Variants in DENND1A observed in about 807,000 individuals in gnomAD.
DENND1A encodes DENN domain-containing protein 1A.
A neutral mutation model predicts 113.7 loss-of-function variants in DENND1A; 51 were observed. The observed-to-expected ratio is 0.45, with a 90% CI of 0.36 to 0.57. The LOEUF (loss-of-function observed/expected upper bound fraction) is 0.57. Ranked by LOEUF, DENND1A falls within the 20% of genes least tolerant of loss-of-function variation. The pLI is 0.00. For missense variants in DENND1A, 1,258 were observed against 1,395.9 expected, an observed-to-expected ratio of 0.90 and a Z score of 1.57; for synonymous variants, 565 against 570.8, an observed-to-expected ratio of 0.99 and a Z score of 0.14.
intron 4 of DENND1A, among the ~76,000 whole-genome samples, chr9:123,759,988 T>C (rs1194736664): frequency 6.6e-6 from 1 of 152,232 alleles, no homozygotes; most frequent in Non-Finnish European, 1.5e-5. Context: ...AAAAGAGTTT[T>C]TTCTCTGAAG....
intron 11 of DENND1A, among the ~76,000 whole-genome samples, chr9:123,584,068 C>T (rs1346438802): frequency 6.6e-6 from 1 of 152,244 alleles, no homozygotes; most frequent in African/African-American, 2.4e-5. Flanking sequence ...TTATCCGCTA[C>T]TAAGATCCAT....
chr9:123,547,712 T>C (rs967728865), intron 13 of DENND1A, among the ~76,000 whole-genome samples: 2 of 152,222 alleles, frequency 1.3e-5, no homozygotes, highest in African/African-American at 4.8e-5. Context: ...TCATTTGAGA[T>C]AAAAGCCATA....
chr9:123,582,047 A>G (rs1285207519), intron 12 of DENND1A, among the ~76,000 whole-genome samples: 1 of 152,238 alleles, frequency 6.6e-6, no homozygotes, highest in East Asian at 1.9e-4. Flanking sequence ...TTTTTGCTCA[A>G]TAGAACCCAC....
At chr9:123,488,887 C>T (rs542576186) in intron 13 of DENND1A, among the ~76,000 whole-genome samples, 7 of 152,238 alleles carry the variant, frequency 4.6e-5, no homozygotes, top group African/African-American at 7.2e-5. Flanking sequence ...GAGGGCCTGC[C>T]GAGCCACCCG....
intron 5 of DENND1A, among the ~76,000 whole-genome samples, chr9:123,695,577 T>C (rs1307503915): frequency 6.6e-6 from 1 of 152,206 alleles, no homozygotes; most frequent in South Asian, 2.1e-4. Flanking sequence ...ATTGACTGAC[T>C]GTGAGGTCCT....
At chr9:123,615,115 T>C (rs954838015) in intron 10 of DENND1A, among the ~76,000 whole-genome samples, 2 of 152,180 alleles carry the variant, frequency 1.3e-5, no homozygotes, top group African/African-American at 4.8e-5. Context: ...TTCAGGCTAA[T>C]GTAACTGCCA....
intron 21 of DENND1A, among the ~76,000 whole-genome samples, chr9:123,392,894 A>G (rs2042929170): frequency 6.6e-6 from 1 of 152,118 alleles, no homozygotes; most frequent in African/African-American, 2.4e-5. Flanking sequence ...GTTCCCACTT[A>G]TGAGTGAGAA....
intron 13 of DENND1A, among the ~76,000 whole-genome samples, chr9:123,551,626 C>T (rs1027077015): frequency 6.6e-6 from 1 of 152,168 alleles, no homozygotes; most frequent in Non-Finnish European, 1.5e-5. Flanking sequence ...TGGGAAGCAA[C>T]TCGGAGTTGA....
At chr9:123,440,575 A>T in intron 18 of DENND1A, 84 bp from the exon 19 acceptor site, 1 of 1,451,342 alleles carries the variant, frequency 6.9e-7, no homozygotes, top group South Asian at 1.5e-5. Context: ...GAGGCCTGCC[A>T]GGCGACTCTC....
intron 13 of DENND1A, among the ~76,000 whole-genome samples, chr9:123,471,298 C>T (rs578248532): frequency 5.4e-4 from 82 of 152,068 alleles, no homozygotes; most frequent in Non-Finnish European, 6.3e-4. Flanking sequence ...TCTCATCTGC[C>T]GAATGGGGGA....
intron 13 of DENND1A, among the ~76,000 whole-genome samples, chr9:123,533,001 T>G (rs1273895456): frequency 2.0e-5 from 3 of 152,230 alleles, no homozygotes; most frequent in Admixed American, 1.3e-4. Context: ...ACAACAATCA[T>G]GCACACAAGT....
intron 19 of DENND1A, among the ~76,000 whole-genome samples, chr9:123,418,479 G>T (rs750425892): frequency 6.6e-6 from 1 of 152,228 alleles, no homozygotes; most frequent in Admixed American, 6.5e-5. Flanking sequence ...GGTCAGGAGG[G>T]GAAGGCGCGT....
chr9:123,652,472 A>G (rs181304455), intron 8 of DENND1A, among the ~76,000 whole-genome samples: 2 of 152,356 alleles, frequency 1.3e-5, no homozygotes, highest in Admixed American at 1.3e-4. Context: ...TCCAAGATGG[A>G]ACAGTCTAAT....
chr9:123,742,425 A>G (rs2069107908), intron 5 of DENND1A, among the ~76,000 whole-genome samples: 1 of 152,230 alleles, frequency 6.6e-6, no homozygotes, highest in Admixed American at 6.5e-5. Context: ...TGTTCTAAAC[A>G]CAAGCTGTAA....
At chr9:123,831,917 A>T (rs1262820201) in intron 2 of DENND1A, among the ~76,000 whole-genome samples, 1 of 152,122 alleles carries the variant, frequency 6.6e-6, no homozygotes, top group East Asian at 1.9e-4. Context: ...CTGGAGGCGG[A>T]GGTTGCAGTG....
intron 13 of DENND1A, among the ~76,000 whole-genome samples, chr9:123,465,134 T>C (rs547555928): frequency 1.3e-5 from 2 of 151,176 alleles, no homozygotes; most frequent in African/African-American, 4.8e-5. Context: ...TGAGCCAACA[T>C]TGTGGCACTG....
At chr9:123,488,272 C>G (rs551138662) in intron 13 of DENND1A, among the ~76,000 whole-genome samples, 35 of 152,322 alleles carry the variant, frequency 2.3e-4, no homozygotes, top group Middle Eastern at 6.8e-3. Context: ...CCGAGCCTCC[C>G]TCTTGTTCTC....
At chr9:123,774,765 T>C (rs1830226029) in intron 3 of DENND1A, among the ~76,000 whole-genome samples, 1 of 152,192 alleles carries the variant, frequency 6.6e-6, no homozygotes, top group Non-Finnish European at 1.5e-5. Flanking sequence ...AATTATGCAA[T>C]TTTATATGTA....
At chr9:123,599,253 A>T (rs2059838037) in intron 11 of DENND1A, among the ~76,000 whole-genome samples, 2 of 152,258 alleles carry the variant, frequency 1.3e-5, no homozygotes, top group South Asian at 4.1e-4. Context: ...TCTTGAAATC[A>T]GCTGAGAATC....
Sources: allele counts gnomAD v4.1 joint callset (sites outside exome capture counted in the v4.1 genomes callset), GRCh38; gene constraint gnomAD v4.1.1; transcripts MANE v1.5; gene names NCBI Gene and HGNC (gene_info 2026-07-23, HGNC 2026-07-21).